The following TRPA1 variants were observed in gnomAD, a reference collection of about 807,000 sequenced individuals.
TRPA1 encodes the protein ankyrin-like with transmembrane domains 1.
In TRPA1, 129 loss-of-function variants were observed where a neutral mutation model predicts 131.3. The observed-to-expected ratio is 0.98, with a 90% CI of 0.85 to 1.14. TRPA1 has a LOEUF of 1.14. Among genes scored for constraint, TRPA1 ranks in the 50% most tolerant of loss-of-function variants. TRPA1 has a pLI of 0.00. For missense variants in TRPA1, 1,304 were observed against 1,354.2 expected, an observed-to-expected ratio of 0.96 and a Z score of 0.58; for synonymous variants, 441 against 451.7, an observed-to-expected ratio of 0.98 and a Z score of 0.30.
intron 24 of TRPA1, among the ~76,000 whole-genome samples, chr8:72,029,491 T>C (rs1224272934): frequency 6.6e-6 from 1 of 152,204 alleles, no homozygotes; most frequent in African/African-American, 2.4e-5. Flanking sequence ...TAAGTAACTG[T>C]GCTCTTAAAA....
chr8:72,074,175 T>A (rs1345507345), intron 1 of TRPA1, among the ~76,000 whole-genome samples: 1 of 152,220 alleles, frequency 6.6e-6, no homozygotes, highest in Non-Finnish European at 1.5e-5. Context: ...AGACATACTC[T>A]GTCACATGTG....
At chr8:72,037,006 A>T (rs888517491) in intron 20 of TRPA1, among the ~76,000 whole-genome samples, 6 of 152,222 alleles carry the variant, frequency 3.9e-5, no homozygotes, top group Non-Finnish European at 7.3e-5. Context: ...CTGATAGAGA[A>T]TTCATATAAC....
At chr8:72,069,889 G>C (rs1052311809) in intron 2 of TRPA1, among the ~76,000 whole-genome samples, 4 of 152,168 alleles carry the variant, frequency 2.6e-5, no homozygotes, top group African/African-American at 9.7e-5. Context: ...AAAGATCACA[G>C]CAGAGTGCCT....
At chr8:72,038,713 G>T in intron 19 of TRPA1, 152 bp downstream of exon 19, 2 of 671,258 alleles carry the variant, frequency 3.0e-6, no homozygotes, top group Non-Finnish European at 4.8e-6. Flanking sequence ...CTTCCACAAA[G>T]GATTTTAGGA....
rs1208182202 is a variant in TRPA1 at position 72,057,814 on chromosome 8, T to A, written c.996A>T (p.Gly332=). The A allele has an allele frequency of 6.2e-7, 1 of 1,610,710 alleles. No individual in the cohort carries two copies. The highest frequency in any genetic ancestry group is 8.5e-7 in the Non-Finnish European group (1 of 1,177,184). ...HELADYLISV[G]ADINKIDSEG... ...CAGAATCGATCTTATTAATATCTGC[T>A]CCCTAAAAATCAAACAAACCATTCA... Residue 332 remains glycine, a splice_region_variant and synonymous_variant, in exon 9 of 27, where the codon GGA becomes GGT. Coordinates refer to ENST00000262209, the MANE Select transcript of TRPA1 (RefSeq NM_007332.3).
chr8:72,037,979 A>G lies in TRPA1; in HGVS notation c.2385+4T>C. 6.4e-7 allele frequency: 1 copy of G among 1,560,132 alleles called. No individual in the cohort carries two copies. Among genetic ancestry groups the G allele is most frequent in the Non-Finnish European group, 8.8e-7 (1 of 1,132,290 alleles). On this transcript the variant is annotated splice_donor_region_variant and intron_variant, in intron 20 of 26. Transcript: ENST00000262209. The stretch of plus-strand genomic sequence containing the variant: ...ACTTTAGAGATACAAAATGTATTAC[A>G]TACCTGTTGGAAAATTTGCCCCGCT...
intron 14 of TRPA1, among the ~76,000 whole-genome samples, chr8:72,051,087 A>G (rs985624922): frequency 7.2e-5 from 11 of 152,200 alleles, no homozygotes; most frequent in Admixed American, 4.6e-4. Context: ...AATGTGGGCA[A>G]ATTTCAGGAT....
chr8:72,030,880 T>G (rs1473841074), intron 23 of TRPA1, among the ~76,000 whole-genome samples: 1 of 152,212 alleles, frequency 6.6e-6, no homozygotes, highest in African/African-American at 2.4e-5. Flanking sequence ...GTTAGCTCAG[T>G]TCTACTCAGT....
At position 72,053,752 on chromosome 8, in the gene TRPA1, C is replaced by G; in HGVS notation, c.1644+1G>C. ...GTAAGCATGAGGACCGCAGTACATA[C>G]CCCGTCTTCATCCAGGCGATCTGTG... is the stretch of plus-strand genomic sequence containing the variant. On this transcript the variant is annotated splice_donor_variant, in intron 13 of 26. Coordinates refer to ENST00000262209, the MANE Select transcript of TRPA1 (RefSeq NM_007332.3). LOFTEE classifies it high-confidence loss of function. The G allele has an allele frequency of 6.2e-7, 1 of 1,609,202 alleles. No individual in the cohort carries two copies.
chr8:72,056,912 A>G lies in TRPA1; in HGVS notation c.1194+5T>C, dbSNP rs367602947. 4 of 1,598,494 alleles carry G rather than the reference A, an allele frequency of 2.5e-6. No individual in the cohort carries two copies. The highest frequency in any genetic ancestry group is 1.3e-5 in the African/African-American group (1 of 74,484). On this transcript the variant is annotated splice_donor_5th_base_variant and intron_variant, in intron 10 of 26. Transcript: ENST00000262209. ...AGTTAATGGCAATCCACAGATATAC[A>G]TTACCTGCATAAATTCAGGTCGCAG...
chr8:72,038,820 A>AT (rs1181208610), intron 19 of TRPA1, 45 bp downstream of exon 19: 4 of 1,546,838 alleles, frequency 2.6e-6, no homozygotes, highest in Non-Finnish European at 3.5e-6. Flanking sequence ...GAAAAAATAC[A>AT]TTTTTTATAA....
rs534936978 is a variant in TRPA1 at position 72,026,141 on chromosome 8, G to A, written c.2938-68C>T. On this transcript the variant is annotated intron_variant, in intron 24 of 26. Coordinates refer to ENST00000262209, the MANE Select transcript of TRPA1 (RefSeq NM_007332.3). ...ATATGGAATTTTTATATGGCACAGA[G>A]GCAATCATTAATACAGCAAAATGAA... 164 of 1,204,330 alleles carry A rather than the reference G, an allele frequency of 1.4e-4. No individual in the cohort carries two copies. In the African/African-American group the frequency reaches 1.9e-3, roughly 14 times the overall value. 74.6% of individuals were successfully genotyped at this position (1,204,330 alleles called of 1,614,324 possible). A position where few individuals can be genotyped will look rare whatever the true frequency, so the allele number is the denominator to read the frequency against.
chr8:72,058,471 T>C (rs1262010940), intron 8 of TRPA1, among the ~76,000 whole-genome samples: 2 of 152,206 alleles, frequency 1.3e-5, no homozygotes, highest in African/African-American at 2.4e-5. Context: ...CTGTATTTTA[T>C]ATAGGGTAAT....
At chr8:72,064,118 T>C (rs1380659228) in intron 4 of TRPA1, among the ~76,000 whole-genome samples, 1 of 152,076 alleles carries the variant, frequency 6.6e-6, no homozygotes, top group Non-Finnish European at 1.5e-5. Flanking sequence ...ATCATTAGCC[T>C]TCAGTTTTAA....
chr8:72,046,656 AT>A (rs1805334326), intron 16 of TRPA1, 48 bp from the exon 17 acceptor site: 1 of 960,810 alleles, frequency 1.0e-6, no homozygotes, highest in African/African-American at 1.6e-5. Context: ...TTAGTCAAGT[AT>A]AGAATCCCCA....
chr8:72,061,592 A>T, intron 7 of TRPA1, 33 bp downstream of exon 7: 1 of 1,613,248 alleles, frequency 6.2e-7, no homozygotes, highest in Non-Finnish European at 8.5e-7. Context: ...AAGATGAAAA[A>T]TCTGTATACA....
intron 24 of TRPA1, 85 bp downstream of exon 24, chr8:72,029,816 C>A: frequency 2.3e-6 from 3 of 1,294,418 alleles, no homozygotes; most frequent in Non-Finnish European, 2.2e-6. Flanking sequence ...CTACAAAATG[C>A]CCATTTTTGA....
the TRPA1 span, among the ~76,000 whole-genome samples, chr8:72,082,165 A>C: frequency 8.6e-5 from 13 of 151,940 alleles, no homozygotes; most frequent in African/African-American, 3.1e-4. Context: ...AGTGATTACA[A>C]TGTTCATCTT....
At position 72,021,671 on chromosome 8, in the gene TRPA1, C is replaced by T. The variant is rs910162252; in HGVS notation, c.*1235G>A. The T allele has an allele frequency of 1.4e-5, 2 of 139,256 alleles. No homozygotes were observed. The highest frequency in any genetic ancestry group is 5.1e-4 in the East Asian group (2 of 3,916). The allele number at this position is 139,256 out of a possible 1,614,324, so 8.6% of individuals were successfully genotyped here. On this transcript the variant is annotated 3_prime_UTR_variant, in exon 27 of 27. Transcript: ENST00000262209. ...GGAAGGTGGAGGTAACCAAGCTGTC[C>T]ATCTCTAGAAAAGTCCAGTGTGGTG...
Sources: allele counts gnomAD v4.1 joint callset (sites outside exome capture counted in the v4.1 genomes callset), GRCh38; gene constraint gnomAD v4.1.1; transcripts MANE v1.5; gene names NCBI Gene and HGNC (gene_info 2026-07-23, HGNC 2026-07-21).